TOX2: variants seen among roughly 807,000 people sequenced by gnomAD.
TOX2 encodes TOX high mobility group box family member 2.
TOX2 carries 15 observed loss-of-function variants against 47.4 expected under a neutral mutation model. That is an observed-to-expected ratio of 0.32 (90% CI 0.21 to 0.49). The LOEUF (loss-of-function observed/expected upper bound fraction) is 0.49. TOX2 is among the 20% of genes least tolerant of loss of function. The pLI is 0.99. For synonymous variants in TOX2, 290 were observed against 296.6 expected, an observed-to-expected ratio of 0.98 and a Z score of 0.23; for missense variants, 622 against 673.1, an observed-to-expected ratio of 0.92 and a Z score of 0.84.
chr20:43,944,447 G>A (rs759170412), intron 1 of TOX2, among the ~76,000 whole-genome samples: 3 of 152,182 alleles, frequency 2.0e-5, no homozygotes, highest in Non-Finnish European at 4.4e-5. Context: ...GTTGTGTGAA[G>A]GTCAGGGGAA....
chr20:44,009,370 C>T (rs903395711), intron 3 of TOX2, among the ~76,000 whole-genome samples: 3 of 152,050 alleles, frequency 2.0e-5, no homozygotes, highest in Non-Finnish European at 4.4e-5. Context: ...GAAACCAACT[C>T]GAGATCCACA....
At chr20:43,928,997 A>AAAAAAAAAACAAC (rs540054093) in intron 1 of TOX2, among the ~76,000 whole-genome samples, 2 of 149,556 alleles carry the variant, frequency 1.3e-5, no homozygotes, top group African/African-American at 5.1e-5. Context: ...AAAAAAAAAA[A>AAAAAAAAAACAAC]AACAACAACA....
intron 2 of TOX2, among the ~76,000 whole-genome samples, chr20:43,981,804 GGGC>G (rs2070173563): frequency 6.6e-6 from 1 of 152,180 alleles, no homozygotes; most frequent in South Asian, 2.1e-4. Context: ...CTGGTCCCAT[GGGC>G]AGATTGAGAA....
At chr20:44,035,075 G>A (rs79559452) in intron 3 of TOX2, among the ~76,000 whole-genome samples, 1,925 of 152,196 alleles carry the variant, frequency 0.013, 44 homozygotes, top group African/African-American at 0.044. Context: ...AGTGCCTCTC[G>A]GACCTACCTG....
intron 1 of TOX2, among the ~76,000 whole-genome samples, chr20:43,966,664 G>A (rs1450070693): frequency 6.6e-6 from 1 of 151,294 alleles, no homozygotes; most frequent in Non-Finnish European, 1.5e-5. Context: ...TGAGGCAGCA[G>A]AATCACTTGA....
At chr20:43,972,657 A>T (rs1600697080) in intron 1 of TOX2, among the ~76,000 whole-genome samples, 2 of 152,250 alleles carry the variant, frequency 1.3e-5, no homozygotes, top group South Asian at 4.1e-4. Context: ...CACCAACTTG[A>T]GATCACACTT....
At chr20:44,054,123 T>C (rs2071575291) in intron 4 of TOX2, among the ~76,000 whole-genome samples, 176 bp from the exon 5 acceptor site, 1 of 152,128 alleles carries the variant, frequency 6.6e-6, no homozygotes, top group Non-Finnish European at 1.5e-5. Flanking sequence ...TTTAATGAGT[T>C]AAACACCCAC....
At chr20:43,998,200 C>T (rs1436234801) in intron 2 of TOX2, among the ~76,000 whole-genome samples, 3 of 152,156 alleles carry the variant, frequency 2.0e-5, no homozygotes, top group East Asian at 1.9e-4. Flanking sequence ...CTTACTGTCA[C>T]GAGAACAGCA....
intron 2 of TOX2, among the ~76,000 whole-genome samples, chr20:44,005,184 A>G (rs757385074): frequency 1.1e-4 from 16 of 152,160 alleles, no homozygotes; most frequent in Non-Finnish European, 5.9e-5. Flanking sequence ...ATTCTCAACT[A>G]TTATCTCCTC....
At position 44,058,673 on chromosome 20, in the gene TOX2, G is replaced by A. The variant is rs529236499; in HGVS notation, c.879+4147G>A. 7.2e-5 allele frequency among the ~76,000 whole-genome samples: 11 copies of A among 152,336 alleles called. No homozygotes were observed. In the East Asian group the frequency reaches 9.6e-4, roughly 13 times the overall value. On this transcript the variant is annotated intron_variant, in intron 5 of 8. Coordinates refer to ENST00000341197, the MANE Select transcript of TOX2 (RefSeq NM_001098797.2). ...TCCCCTGCTACTTCCACTGGACCAG[G>A]TGTTGATATCCATGGAGGAGAGACC...
intron 1 of TOX2, among the ~76,000 whole-genome samples, chr20:43,964,051 A>G (rs547234622): frequency 3.3e-5 from 5 of 152,202 alleles, no homozygotes; most frequent in Non-Finnish European, 7.4e-5. Context: ...AATGATAGTC[A>G]TACCCATTTT....
chr20:43,973,472 T>C, intron 2 of TOX2, 40 bp downstream of exon 2: 1 of 1,601,614 alleles, frequency 6.2e-7, no homozygotes, highest in Non-Finnish European at 8.6e-7. Context: ...TCTTAAGATT[T>C]GGGCTGGCTG....
intron 3 of TOX2, among the ~76,000 whole-genome samples, chr20:44,034,727 G>A (rs1221999213): frequency 6.6e-6 from 1 of 152,198 alleles, no homozygotes; most frequent in African/African-American, 2.4e-5. Flanking sequence ...CTCCTTCCAG[G>A]ACTGGCATGC....
rs2069053786 is a variant in TOX2 at position 43,916,244 on chromosome 20, C to T, written c.99+1254C>T. ...GTCCAGTGGCTGGATCGGCGCCCCC[C>T]AGGGTCTCTCCCCAACCTCGCAGGC... On this transcript the variant is annotated intron_variant, in intron 1 of 8. Transcript: ENST00000341197. This position sits in a 1 kb window ranked among gnomAD's most constrained non-coding sequence, Gnocchi z 5.0. The T allele has an allele frequency of 1.2e-5, 12 of 984,658 alleles. No homozygotes were observed. The highest frequency in any genetic ancestry group is 1.4e-5 in the Non-Finnish European group (12 of 829,198). 61.0% of individuals were successfully genotyped at this position (984,658 alleles called of 1,614,324 possible).
chr20:44,023,431 G>GAA (rs35627597), intron 3 of TOX2, among the ~76,000 whole-genome samples: 1 of 119,148 alleles, frequency 8.4e-6, no homozygotes. Context: ...CTTTATCTCA[G>GAA]AAAAAAAAAA....
intron 5 of TOX2, among the ~76,000 whole-genome samples, chr20:44,060,918 C>T (rs1340376105): frequency 6.6e-6 from 1 of 152,004 alleles, no homozygotes; most frequent in African/African-American, 2.4e-5. Flanking sequence ...CAGAGCAGAA[C>T]TAAATGAAAT....
chr20:43,976,360 G>A (rs1193206689), intron 2 of TOX2, among the ~76,000 whole-genome samples: 4 of 152,212 alleles, frequency 2.6e-5, no homozygotes, highest in Non-Finnish European at 5.9e-5. Flanking sequence ...TCAGCTTCCA[G>A]CAGGCTAGCT....
At chr20:43,997,164 G>A (rs998569470) in intron 2 of TOX2, among the ~76,000 whole-genome samples, 8 of 152,192 alleles carry the variant, frequency 5.3e-5, no homozygotes, top group Admixed American at 5.2e-4. Context: ...AATGGAGATC[G>A]ATAGTCAAAA....
intron 5 of TOX2, among the ~76,000 whole-genome samples, chr20:44,060,463 A>T (rs768435063): frequency 5.3e-5 from 8 of 152,322 alleles, no homozygotes; most frequent in Middle Eastern, 3.4e-3. Flanking sequence ...TCTGTTCATC[A>T]GCACATGGAA....
Sources: allele counts gnomAD v4.1 joint callset (sites outside exome capture counted in the v4.1 genomes callset), GRCh38; gene constraint gnomAD v4.1.1; non-coding constraint Gnocchi (gnomAD v3.1); transcripts MANE v1.5; gene names NCBI Gene and HGNC (gene_info 2026-07-23, HGNC 2026-07-21).